The following RIMKLA variants were observed in gnomAD, a reference collection of about 807,000 sequenced individuals.
RIMKLA encodes the protein N-acetylaspartylglutamate synthase A.
Under a neutral mutation model 32.7 loss-of-function variants are expected in RIMKLA, and 14 were observed. The ratio of observed to expected loss-of-function variants is 0.43; its 90% confidence interval spans 0.28 to 0.67. The LOEUF (loss-of-function observed/expected upper bound fraction) is 0.67, where lower values mean the gene tolerates loss of function less well. RIMKLA is among the 30% of genes least tolerant of loss of function. The pLI is 0.18. For synonymous variants in RIMKLA, 176 were observed against 204.1 expected (o/e 0.86, Z 1.18); for missense variants, 410 against 519.0 (o/e 0.79, Z 2.04).
rs947252947 is a variant in RIMKLA, at chr1:42,380,833, C to G, written c.-102C>G. ...CACCCGCGGGAGCGGAGCCGTGGCGCGCTCGCCCCGGACGCCGGCCGCCCC... is the reference window on the plus strand; with the variant it reads ...CACCCGCGGGAGCGGAGCCGTGGCGGGCTCGCCCCGGACGCCGGCCGCCCC... On this transcript the variant is annotated 5_prime_UTR_variant, in exon 1 of 5. Coordinates refer to ENST00000431473, the MANE Select transcript of RIMKLA (RefSeq NM_173642.4). 1.1e-4 allele frequency: 71 copies of G among 660,290 alleles called. No individual in the cohort carries two copies. The highest frequency in any genetic ancestry group is 1.3e-4 in the Non-Finnish European group (65 of 510,580). 40.9% of individuals were successfully genotyped at this position (660,290 alleles called of 1,614,324 possible).
chr1:42,384,544 TATATATGTGTGTATATATAC>T (rs1398750771), intron 1 of RIMKLA, among the ~76,000 whole-genome samples: 1 of 144,238 alleles, frequency 6.9e-6, no homozygotes, highest in Non-Finnish European at 1.5e-5. Flanking sequence ...TATATATGTA[TATATATGTGTGTATATATAC>T]ATATATATGT....
intron 4 of RIMKLA, among the ~76,000 whole-genome samples, chr1:42,411,472 C>CT (rs5773773): frequency 0.41 from 60,106 of 146,998 alleles, 12,765 homozygotes; most frequent in Middle Eastern, 0.55. Context: ...CTTTTCTTTT[C>CT]TTTTTTTTGA....
chr1:42,408,024 C>T (rs780387888), intron 3 of RIMKLA, among the ~76,000 whole-genome samples: 1 of 152,162 alleles, frequency 6.6e-6, no homozygotes, highest in Admixed American at 6.5e-5. Context: ...ACCTAATGTC[C>T]GGAGAACCCA....
chr1:42,399,784 A>T, intron 2 of RIMKLA, 150 bp downstream of exon 2: 2 of 618,638 alleles, frequency 3.2e-6, no homozygotes, highest in Non-Finnish European at 5.7e-6. Context: ...TTTCTATCTG[A>T]AAATGCCTTG....
intron 4 of RIMKLA, among the ~76,000 whole-genome samples, chr1:42,410,461 C>T (rs1290349777): frequency 1.3e-5 from 2 of 151,938 alleles, no homozygotes; most frequent in Non-Finnish European, 2.9e-5. Context: ...ACATGAGGAC[C>T]AACGTTGGAG....
chr1:42,416,301 T>C lies in RIMKLA; in HGVS notation c.*1327T>C, dbSNP rs1643247967. On this transcript the variant is annotated 3_prime_UTR_variant, in exon 5 of 5. Coordinates refer to ENST00000431473, the MANE Select transcript of RIMKLA (RefSeq NM_173642.4). ...GTTAGCATAATTGGAGTTATTTTCT[T>C]GATGTTGCATGTGCCAAGAACACTT... 1.3e-5 allele frequency: 2 copies of C among 152,328 alleles called. No homozygotes were observed. Among genetic ancestry groups the C allele is most frequent in the South Asian group, 4.2e-4 (2 of 4,818 alleles). 9.4% of individuals were successfully genotyped at this position (152,328 alleles called of 1,614,324 possible).
intron 1 of RIMKLA, among the ~76,000 whole-genome samples, chr1:42,385,098 C>A (rs909779617): frequency 6.6e-6 from 1 of 152,274 alleles, no homozygotes; most frequent in South Asian, 2.1e-4. Flanking sequence ...TTATATCCCC[C>A]CTCCCTCTGA....
At position 42,419,444 on chromosome 1, in the gene RIMKLA, A is replaced by G. The variant is rs891352083; in HGVS notation, c.*4470A>G. On this transcript the variant is annotated 3_prime_UTR_variant, in exon 5 of 5. Coordinates refer to ENST00000431473, the MANE Select transcript of RIMKLA (RefSeq NM_173642.4). ...ATTTTGGAGACCAGTCTAGTCCCCC[A>G]TTTCATAAGTAGGGAATCTTACTTA... The G allele has an allele frequency of 1.3e-5, 2 of 152,164 alleles. No individual in the cohort carries two copies. The highest frequency in any genetic ancestry group is 2.4e-5 in the African/African-American group (1 of 41,426). 9.4% of individuals were successfully genotyped at this position (152,164 alleles called of 1,614,324 possible). A position where few individuals can be genotyped will look rare whatever the true frequency, so the allele number is the denominator to read the frequency against.
chr1:42,418,950 T>C lies in RIMKLA; in HGVS notation c.*3976T>C, dbSNP rs932649893. The C allele has an allele frequency of 4.6e-5, 7 of 152,260 alleles. No individual in the cohort carries two copies. Among genetic ancestry groups the C allele is most frequent in the Non-Finnish European group, 8.8e-5 (6 of 68,070 alleles). The allele number at this position is 152,260 out of a possible 1,614,324, so 9.4% of individuals were successfully genotyped here. The stretch of plus-strand genomic sequence containing the variant: ...CTTTGCAACTGGAGGTAAGCCTGTT[T>C]GCCATTAGTCTGAGTGGATGTCTTG... On this transcript the variant is annotated 3_prime_UTR_variant, in exon 5 of 5. Transcript: ENST00000431473.
chr1:42,400,386 A>C (rs1643087151), intron 2 of RIMKLA, among the ~76,000 whole-genome samples: 1 of 152,198 alleles, frequency 6.6e-6, no homozygotes. Context: ...ACTGTGGAGA[A>C]GGAATTGGAC....
rs543905939 is a variant in RIMKLA, at chr1:42,410,353, G to A, written c.685+166G>A. Among the ~76,000 whole-genome samples, 16 of 152,270 alleles carry A rather than the reference G, an allele frequency of 1.1e-4. No homozygotes were observed. The South Asian group carries it at 1.9e-3, about 18-fold the overall frequency. ...GCAGCAAGCAATCCTGGAGGGGAGC[G>A]TACAAGTGTAAGCGCTGTGGCAGAG... On this transcript the variant is annotated intron_variant, in intron 4 of 4. Transcript: ENST00000431473.
At chr1:42,391,908 A>G (rs1643003052) in intron 1 of RIMKLA, among the ~76,000 whole-genome samples, 1 of 152,166 alleles carries the variant, frequency 6.6e-6, no homozygotes, top group Non-Finnish European at 1.5e-5. Flanking sequence ...TGTCTTGCCA[A>G]GCTAAATGAG....
chr1:42,399,474 A>G lies in RIMKLA; in HGVS notation c.234A>G (p.Ser78=), dbSNP rs201413670. The G allele has an allele frequency of 9.1e-5, 147 of 1,613,542 alleles. No homozygotes were observed. Among genetic ancestry groups the G allele is most frequent in the South Asian group, 7.2e-4 (65 of 90,846 alleles). The change falls in exon 2 of 5, where the codon TCA becomes TCG. Residue 78 remains serine, a synonymous_variant. Coordinates refer to ENST00000431473, the MANE Select transcript of RIMKLA (RefSeq NM_173642.4). The part of the protein sequence containing the change: ...DVVLVRVPTP[S]VQSDSDITVL... ...TGCTTGTACGGGTACCCACACCCTC[A>G]GTGCAGTCAGACAGTGACATCACTG...
At position 42,422,047 on chromosome 1, in the gene RIMKLA, C is replaced by G. The variant is rs905016767; in HGVS notation, c.*7073C>G. ...GATTGGCAAACACTCTATATCAAGA[C>G]CCCCCTCCCCGAGAGCTGGTTGTTA... On this transcript the variant is annotated 3_prime_UTR_variant, in exon 5 of 5. Coordinates refer to ENST00000431473, the MANE Select transcript of RIMKLA (RefSeq NM_173642.4). 1 of 152,124 alleles carries G rather than the reference C, an allele frequency of 6.6e-6. No individual in the cohort carries two copies. The highest frequency in any genetic ancestry group is 2.4e-5 in the African/African-American group (1 of 41,410). The allele number at this position is 152,124 out of a possible 1,614,324, so 9.4% of individuals were successfully genotyped here. A position where few individuals can be genotyped will look rare whatever the true frequency, so the allele number is the denominator to read the frequency against.
rs1416210567 is a variant in RIMKLA at position 42,380,942 on chromosome 1, C to T, written c.8C>T (p.Ser3Phe). Residue 3 changes from serine (S) to phenylalanine (F), a missense_variant, in exon 1 of 5, where the codon TCC (serine) becomes TTC (phenylalanine). Transcript: ENST00000431473. ...CGCACCGCCCTGGCCGCCATGTGCTCCCAGCTCTGGTTCCTGACGGACCGG... is the reference window on the plus strand; with the variant it reads ...CGCACCGCCCTGGCCGCCATGTGCTTCCAGCTCTGGTTCCTGACGGACCGG... MC[S>F]QLWFLTDRRI... 9.1e-6 allele frequency: 13 copies of T among 1,436,280 alleles called. No homozygotes were observed. Among genetic ancestry groups the T allele is most frequent in the African/African-American group, 1.5e-5 (1 of 67,724 alleles). The allele number at this position is 1,436,280 out of a possible 1,614,324, so 89.0% of individuals were successfully genotyped here.
At chr1:42,384,279 T>A (rs183548367) in intron 1 of RIMKLA, among the ~76,000 whole-genome samples, 119 of 152,244 alleles carry the variant, frequency 7.8e-4, no homozygotes, top group Admixed American at 4.1e-3. Context: ...ACTGAAGTAA[T>A]CCTGTAGAAA....
At position 42,414,567 on chromosome 1, in the gene RIMKLA, T is replaced by C. The variant is rs1202026166; in HGVS notation, c.769T>C (p.Cys257Arg). 1.2e-6 allele frequency: 2 copies of C among 1,614,236 alleles called. No homozygotes were observed. Among genetic ancestry groups the C allele is most frequent in the Non-Finnish European group, 1.7e-6 (2 of 1,180,030 alleles). Reference sequence around the variant, plus strand: ...GTCCAACATCCTAGGCATGGACTTCTGTGGCATTGATCTCCTTATCATGGA... The same window carrying C: ...GTCCAACATCCTAGGCATGGACTTCCGTGGCATTGATCTCCTTATCATGGA... The part of the protein sequence containing the change: ...QVSNILGMDF[C>R]GIDLLIMDDG... Residue 257 changes from cysteine (C) to arginine (R), a missense_variant, in exon 5 of 5, where the codon TGT (cysteine) becomes CGT (arginine). Coordinates refer to ENST00000431473, the MANE Select transcript of RIMKLA (RefSeq NM_173642.4).
At chr1:42,395,570 T>C (rs1181092595) in intron 1 of RIMKLA, among the ~76,000 whole-genome samples, 1 of 152,144 alleles carries the variant, frequency 6.6e-6, no homozygotes, top group Non-Finnish European at 1.5e-5. Flanking sequence ...TTTCCTTCTG[T>C]TGACTAGCAA....
intron 1 of RIMKLA, among the ~76,000 whole-genome samples, chr1:42,391,799 C>G (rs1643002025): frequency 6.6e-6 from 1 of 152,110 alleles, no homozygotes; most frequent in Non-Finnish European, 1.5e-5. Flanking sequence ...GAAGAAAGAT[C>G]ATGTTGTGAG....
Sources: allele counts gnomAD v4.1 joint callset (sites outside exome capture counted in the v4.1 genomes callset), GRCh38; gene constraint gnomAD v4.1.1; transcripts MANE v1.5; gene names NCBI Gene and HGNC (gene_info 2026-07-23, HGNC 2026-07-21).